The following PPP4R3B variants were observed in gnomAD, a reference collection of about 807,000 sequenced individuals.
PPP4R3B encodes protein phosphatase 4 regulatory subunit 3B, also known as serine/threonine-protein phosphatase 4 regulatory subunit 3B.
In PPP4R3B, 52 loss-of-function variants were observed where a neutral mutation model predicts 95.4. That is an observed-to-expected ratio of 0.54 (90% confidence interval 0.44 to 0.69). The LOEUF (loss-of-function observed/expected upper bound fraction) is 0.69. PPP4R3B is among the 30% of genes least tolerant of loss of function. The probability of loss-of-function intolerance (pLI) is 0.00; values close to 1 mark genes in which losing one functional copy is unlikely to be tolerated. For missense variants in PPP4R3B, 1,003 were observed against 1,005.9 expected, an observed-to-expected ratio of 1.00 and a Z score of 0.04; for synonymous variants, 407 against 343.9, an observed-to-expected ratio of 1.18 and a Z score of -2.03.
At chr2:55,562,586 G>C (rs1454684445) in intron 15 of PPP4R3B, among the ~76,000 whole-genome samples, 1 of 152,202 alleles carries the variant, frequency 6.6e-6, no homozygotes, top group Non-Finnish European at 1.5e-5. Context: ...CTACAGAACT[G>C]TGAGTTAATC....
chr2:55,552,903 C>T (rs7588663), intron 16 of PPP4R3B, among the ~76,000 whole-genome samples: 427 of 152,192 alleles, frequency 2.8e-3, no homozygotes, highest in African/African-American at 9.8e-3. Flanking sequence ...GATACAGAAA[C>T]GAGAAACTGA....
chr2:55,615,809 G>A (rs374486452), intron 1 of PPP4R3B, among the ~76,000 whole-genome samples: 33 of 122,388 alleles, frequency 2.7e-4, no homozygotes, highest in African/African-American at 9.9e-4. Flanking sequence ...CAGTAGCCCA[G>A]ATCGCGCCAT....
At position 55,615,276 on chromosome 2, in the gene PPP4R3B, C is replaced by G. The variant is rs894199717; in HGVS notation, c.198+175G>C. On this transcript the variant is annotated intron_variant, in intron 2 of 16. Transcript: ENST00000616407. ...CTCAATCCAAAAATGATAATTATCA[C>G]CAGTACAAAAACTTTTTTTCAGTCT... 8.9e-6 allele frequency: 5 copies of G among 564,956 alleles called. No homozygotes were observed. The South Asian group carries it at 1.0e-4, about 12-fold the overall frequency. 35.0% of individuals were successfully genotyped at this position (564,956 alleles called of 1,614,324 possible).
At chr2:55,564,831 G>A in intron 14 of PPP4R3B, 71 bp downstream of exon 14, 1 of 1,549,736 alleles carries the variant, frequency 6.5e-7, no homozygotes, top group Non-Finnish European at 8.7e-7. Flanking sequence ...AATTTCACAT[G>A]GAAAATCTGA....
At chr2:55,562,754 T>G (rs1686792112) in intron 15 of PPP4R3B, among the ~76,000 whole-genome samples, 1 of 152,238 alleles carries the variant, frequency 6.6e-6, no homozygotes, top group Non-Finnish European at 1.5e-5. Flanking sequence ...CATTCTATGC[T>G]AGAACTCTAC....
intron 4 of PPP4R3B, among the ~76,000 whole-genome samples, chr2:55,590,898 A>C (rs900837494): frequency 6.6e-6 from 1 of 152,212 alleles, no homozygotes; most frequent in Non-Finnish European, 1.5e-5. Context: ...GTACAATCAG[A>C]GAGTATAACA....
At chr2:55,552,970 G>C (rs1370895448) in intron 16 of PPP4R3B, among the ~76,000 whole-genome samples, 1 of 152,100 alleles carries the variant, frequency 6.6e-6, no homozygotes, top group African/African-American at 2.4e-5. Flanking sequence ...AAAATATTGG[G>C]GAAAGCAGGG....
intron 4 of PPP4R3B, among the ~76,000 whole-genome samples, chr2:55,589,681 C>A (rs931644707): frequency 6.6e-6 from 1 of 150,806 alleles, no homozygotes; most frequent in African/African-American, 2.4e-5. Flanking sequence ...TTTGGAAGGC[C>A]GAGGCGGGCG....
chr2:55,582,223 T>A (rs1223813772), intron 7 of PPP4R3B, among the ~76,000 whole-genome samples: 1 of 152,220 alleles, frequency 6.6e-6, no homozygotes, highest in African/African-American at 2.4e-5. Context: ...AACAATCTAA[T>A]ATTAAATAGA....
chr2:55,617,296 G>C lies in PPP4R3B; in HGVS notation c.-11C>G. The C allele has an allele frequency of 1.3e-6, 2 of 1,585,366 alleles. No individual in the cohort carries two copies. Among genetic ancestry groups the C allele is most frequent in the Non-Finnish European group, 1.7e-6 (2 of 1,162,092 alleles). On this transcript the variant is annotated 5_prime_UTR_variant, in exon 1 of 17. Coordinates refer to ENST00000616407, the MANE Select transcript of PPP4R3B (RefSeq NM_001122964.3). ...CCGCGTATCCGACATGGTGGCTGCTGTCTCCACCGCTCTAGCCGCCGCCTC... is the reference window on the plus strand; with the variant it reads ...CCGCGTATCCGACATGGTGGCTGCTCTCTCCACCGCTCTAGCCGCCGCCTC...
Position 55,549,863 on chromosome 2 carries a change from A to T in PPP4R3B, c.*48T>A. 1 of 1,346,988 alleles carries T rather than the reference A, an allele frequency of 7.4e-7. No homozygotes were observed. Among genetic ancestry groups the T allele is most frequent in the Non-Finnish European group, 1.1e-6 (1 of 937,558 alleles). 83.4% of individuals were successfully genotyped at this position (1,346,988 alleles called of 1,614,324 possible). A position where few individuals can be genotyped will look rare whatever the true frequency, so the allele number is the denominator to read the frequency against. On this transcript the variant is annotated 3_prime_UTR_variant, in exon 17 of 17. Coordinates refer to ENST00000616407, the MANE Select transcript of PPP4R3B (RefSeq NM_001122964.3). ...GATTCAGATTTTCAGCTCACTGAAC[A>T]GTTGCAGCATTGTAAGACCACATGT...
chr2:55,550,547 C>A (rs1685134717), intron 16 of PPP4R3B, among the ~76,000 whole-genome samples: 1 of 152,048 alleles, frequency 6.6e-6, no homozygotes, highest in South Asian at 2.1e-4. Flanking sequence ...ACCAAAAGAA[C>A]AATAAGGATG....
chr2:55,569,777 C>T (rs915294275), intron 12 of PPP4R3B, among the ~76,000 whole-genome samples: 3 of 152,092 alleles, frequency 2.0e-5, no homozygotes, highest in East Asian at 1.9e-4. Flanking sequence ...AGTGGTCCCC[C>T]GGGCCCAGCT....
intron 2 of PPP4R3B, among the ~76,000 whole-genome samples, chr2:55,608,147 G>C (rs1156961972): frequency 6.6e-6 from 1 of 152,162 alleles, no homozygotes; most frequent in Non-Finnish European, 1.5e-5. Context: ...TGGGATTACA[G>C]GCGTGTGCCA....
chr2:55,601,702 C>G (rs1312604007), intron 3 of PPP4R3B, among the ~76,000 whole-genome samples: 1 of 152,128 alleles, frequency 6.6e-6, no homozygotes, highest in Non-Finnish European at 1.5e-5. Flanking sequence ...TTAATGACTA[C>G]GTGGGATTCT....
At chr2:55,568,877 C>T (rs1295809240) in intron 12 of PPP4R3B, among the ~76,000 whole-genome samples, 1 of 152,138 alleles carries the variant, frequency 6.6e-6, no homozygotes. Flanking sequence ...GAGGCAAAAG[C>T]TTGTTTTCAG....
chr2:55,579,236 T>G (rs1347967947), intron 9 of PPP4R3B, among the ~76,000 whole-genome samples: 1 of 152,102 alleles, frequency 6.6e-6, no homozygotes, highest in Non-Finnish European at 1.5e-5. Flanking sequence ...GCCTTGCCCC[T>G]ATATATTAGC....
At position 55,609,525 on chromosome 2, in the gene PPP4R3B, T is replaced by A. The variant is rs1055707813; in HGVS notation, c.199-5449A>T. Among the ~76,000 whole-genome samples, 4 of 151,934 alleles carry A rather than the reference T, an allele frequency of 2.6e-5. No individual in the cohort carries two copies. The South Asian group carries it at 8.3e-4, about 32-fold the overall frequency. Reference sequence around the variant, plus strand: ...GGCATAATCCCATATCTACAAAAAATTAGCCAGGCATGGTGTGCACACCTA... The same window carrying A: ...GGCATAATCCCATATCTACAAAAAAATAGCCAGGCATGGTGTGCACACCTA... On this transcript the variant is annotated intron_variant, in intron 2 of 16. Transcript: ENST00000616407.
intron 15 of PPP4R3B, among the ~76,000 whole-genome samples, chr2:55,562,246 A>G (rs1290140375): frequency 6.6e-6 from 1 of 151,862 alleles, no homozygotes; most frequent in Non-Finnish European, 1.5e-5. Context: ...ACATGGTGAA[A>G]CCCCATCTCT....
Sources: gnomAD v4.1 joint callset for allele counts (sites outside exome capture counted in the v4.1 genomes callset) on GRCh38, gnomAD v4.1.1 for gene constraint, MANE v1.5 for transcripts, NCBI Gene and HGNC (gene_info 2026-07-23, HGNC 2026-07-21) for gene names.